Variants in THADA observed in about 807,000 individuals in gnomAD.
The protein encoded by THADA is THADA armadillo repeat containing.
Under a neutral mutation model 219.8 loss-of-function variants are expected in THADA, and 213 were observed. The observed-to-expected ratio is 0.97, with a 90% CI of 0.87 to 1.09. The LOEUF is 1.09. Among genes scored for constraint, THADA ranks in the 50% least tolerant of loss-of-function variants. The pLI is 0.00. For synonymous variants in THADA, 1,018 were observed against 828.9 expected (o/e 1.23, Z -3.92); for missense variants, 2,956 against 2,311.3 (o/e 1.28, Z -5.72).
intron 36 of THADA, among the ~76,000 whole-genome samples, chr2:43,270,815 G>A (rs1317979071): frequency 6.6e-6 from 1 of 152,108 alleles, no homozygotes; most frequent in African/African-American, 2.4e-5. Context: ...CCTGTGAACA[G>A]CCACCAGTAC....
intron 19 of THADA, among the ~76,000 whole-genome samples, chr2:43,550,258 G>A (rs549575532): frequency 3.9e-5 from 6 of 152,162 alleles, no homozygotes; most frequent in Non-Finnish European, 7.4e-5. Context: ...TCGAAGAACC[G>A]GTATTTATTG....
At chr2:43,579,035 T>C (rs1574346471) in intron 8 of THADA, among the ~76,000 whole-genome samples, 1 of 152,196 alleles carries the variant, frequency 6.6e-6, no homozygotes, top group African/African-American at 2.4e-5. Context: ...TTTCACCACG[T>C]TGGCCATGAT....
intron 29 of THADA, among the ~76,000 whole-genome samples, chr2:43,347,181 A>C (rs776759151): frequency 6.6e-6 from 1 of 152,232 alleles, no homozygotes; most frequent in African/African-American, 2.4e-5. Flanking sequence ...GGTGTAAACC[A>C]GTTATCAGTT....
Position 43,556,304 on chromosome 2 carries a change from C to G in THADA, c.2674+41G>C, listed in dbSNP as rs538837420. On this transcript the variant is annotated intron_variant, in intron 17 of 37. Coordinates refer to ENST00000405975, the MANE Select transcript of THADA (RefSeq NM_022065.5). ...TATTCTAACCAAATGAATACTGAGA[C>G]TAAGCTATTCGTTTTGATAAGAGCA... is the stretch of plus-strand genomic sequence containing the variant. The G allele has an allele frequency of 1.9e-4, 300 of 1,604,070 alleles. 3 individuals carry two copies. The South Asian group carries it at 3.1e-3, about 16-fold the overall frequency.
chr2:43,392,834 C>CT (rs915973234), intron 29 of THADA, among the ~76,000 whole-genome samples: 4 of 152,180 alleles, frequency 2.6e-5, no homozygotes, highest in African/African-American at 9.7e-5. Context: ...CCACAGCTCT[C>CT]TTTAAGTTTG....
rs534132158 is a variant in THADA, at chr2:43,570,449, T to C, written c.2126A>G (p.Lys709Arg). The change falls in exon 14 of 38, where the codon AAA becomes AGA. Residue 709 changes from lysine (K) to arginine (R), a missense_variant. Physicochemically the swap from Lys to Arg is conservative, Grantham distance 26 (BLOSUM62 2). Transcript: ENST00000405975. Reference protein sequence around the residue: ...VLYKLEQSKSKREPENELTKQ... With the variant: ...VLYKLEQSKSRREPENELTKQ... The stretch of plus-strand genomic sequence containing the variant: ...GGTTAACTCATTCTCTGGTTCACGT[T>C]TGGATTTACTCTGCTCCAATTTATA... 22 of 1,613,674 alleles carry C rather than the reference T, an allele frequency of 1.4e-5. No individual in the cohort carries two copies. The East Asian group carries it at 4.2e-4, about 31-fold the overall frequency.
chr2:43,380,450 A>C (rs1367437355), intron 29 of THADA, among the ~76,000 whole-genome samples: 1 of 152,218 alleles, frequency 6.6e-6, no homozygotes, highest in Non-Finnish European at 1.5e-5. Flanking sequence ...ACTGTTGGAC[A>C]AAGTTTACAG....
At chr2:43,446,732 G>A (rs771433599) in intron 26 of THADA, among the ~76,000 whole-genome samples, 3 of 152,234 alleles carry the variant, frequency 2.0e-5, no homozygotes, top group African/African-American at 7.2e-5. Flanking sequence ...TAATACTGAA[G>A]GCAATGAGTT....
At chr2:43,518,547 G>A (rs1692017939) in intron 22 of THADA, among the ~76,000 whole-genome samples, 1 of 152,068 alleles carries the variant, frequency 6.6e-6, no homozygotes, top group Admixed American at 6.5e-5. Flanking sequence ...ACCAAGTACA[G>A]GGTTCAAAAG....
intron 35 of THADA, among the ~76,000 whole-genome samples, chr2:43,283,392 G>C (rs915765661): frequency 2.6e-5 from 4 of 152,198 alleles, no homozygotes; most frequent in African/African-American, 9.7e-5. Flanking sequence ...CCGGGTAATG[G>C]GCAGAGGTTG....
Position 43,577,098 on chromosome 2 carries a change from G to A in THADA, c.961C>T (p.Gln321Ter). The A allele has an allele frequency of 3.7e-6, 6 of 1,613,302 alleles. No homozygotes were observed. Among genetic ancestry groups the A allele is most frequent in the Non-Finnish European group, 5.1e-6 (6 of 1,179,678 alleles). The stretch of plus-strand genomic sequence containing the variant: ...CCACTCCGACCCATGCTTCCGTTCT[G>A]CCAGTCCAACATGGCAAGTGTCCCC... Reference protein sequence around the residue: ...CQGTLAMLDWQNGSMGRSGEA... With the variant: ...CQGTLAMLDW Residue 321 changes from glutamine (Q) to a stop codon, truncating the protein, a stop_gained, in exon 10 of 38, where the codon CAG becomes TAG. Coordinates refer to ENST00000405975, the MANE Select transcript of THADA (RefSeq NM_022065.5). LOFTEE classifies it high-confidence loss of function.
intron 29 of THADA, among the ~76,000 whole-genome samples, chr2:43,352,986 T>G (rs145157667): frequency 4.5e-4 from 68 of 152,354 alleles, no homozygotes; most frequent in African/African-American, 1.5e-3. Context: ...CCACATATAA[T>G]TAAGATCATG....
chr2:43,437,671 T>A (rs1373157910), intron 26 of THADA, among the ~76,000 whole-genome samples: 1 of 152,230 alleles, frequency 6.6e-6, no homozygotes, highest in Non-Finnish European at 1.5e-5. Context: ...TTACTGCCAC[T>A]GTGCCACTAT....
chr2:43,294,132 A>G (rs1219976313), intron 31 of THADA, among the ~76,000 whole-genome samples: 1 of 152,202 alleles, frequency 6.6e-6, no homozygotes, highest in Non-Finnish European at 1.5e-5. Flanking sequence ...TATCCCTGTT[A>G]AATTTTATCC....
chr2:43,258,537 T>C (rs750435282), intron 36 of THADA, among the ~76,000 whole-genome samples: 29 of 152,252 alleles, frequency 1.9e-4, no homozygotes, highest in East Asian at 5.8e-4. Flanking sequence ...AATAAATTAA[T>C]AAATAAAAAT....
intron 30 of THADA, among the ~76,000 whole-genome samples, chr2:43,322,288 G>A (rs1276421041): frequency 6.6e-6 from 1 of 152,008 alleles, no homozygotes; most frequent in African/African-American, 2.4e-5. Flanking sequence ...TGGATCACCT[G>A]AGGTCAGGAG....
At chr2:43,428,007 T>C (rs1678713014) in intron 28 of THADA, 93 bp downstream of exon 28, 1 of 534,426 alleles carries the variant, frequency 1.9e-6, no homozygotes, top group South Asian at 6.4e-5. Flanking sequence ...ATATATGATA[T>C]ATATAAAATA....
intron 29 of THADA, among the ~76,000 whole-genome samples, chr2:43,384,612 G>C (rs1672418772): frequency 6.6e-6 from 1 of 152,080 alleles, no homozygotes; most frequent in Admixed American, 6.5e-5. Context: ...CTAAAAATCA[G>C]ACCTGATGAC....
At chr2:43,513,511 G>A (rs1430211259) in intron 22 of THADA, among the ~76,000 whole-genome samples, 1 of 152,172 alleles carries the variant, frequency 6.6e-6, no homozygotes, top group African/African-American at 2.4e-5. Context: ...AAGGGCTACT[G>A]CCAGAGCTGC....
Sources: allele counts gnomAD v4.1 joint callset (sites outside exome capture counted in the v4.1 genomes callset), GRCh38; gene constraint gnomAD v4.1.1; transcripts MANE v1.5; gene names NCBI Gene and HGNC (gene_info 2026-07-23, HGNC 2026-07-21).